Variants in PAK1IP1 observed in about 807,000 individuals in gnomAD.
The protein encoded by PAK1IP1 is p21-activated protein kinase-interacting protein 1.
PAK1IP1 carries 24 observed loss-of-function variants against 42.0 expected under a neutral mutation model. The ratio of observed to expected loss-of-function variants is 0.57; its 90% confidence interval spans 0.41 to 0.80. The LOEUF (loss-of-function observed/expected upper bound fraction) is 0.80. Ranked by LOEUF, PAK1IP1 falls within the 30% of genes least tolerant of loss-of-function variation. PAK1IP1 has a pLI of 0.00. For synonymous variants in PAK1IP1, 154 were observed against 156.7 expected (o/e 0.98, Z 0.13); for missense variants, 411 against 467.9 (o/e 0.88, Z 1.12).
At chr6:10,701,547 C>G (rs1251770112) in intron 2 of PAK1IP1, among the ~76,000 whole-genome samples, 1 of 152,122 alleles carries the variant, frequency 6.6e-6, no homozygotes, top group Non-Finnish European at 1.5e-5. Context: ...TGTGGGAAAC[C>G]AAACTTTCCA....
chr6:10,706,519 C>T (rs1268180817), intron 7 of PAK1IP1, among the ~76,000 whole-genome samples: 1 of 152,178 alleles, frequency 6.6e-6, no homozygotes, highest in Non-Finnish European at 1.5e-5. Context: ...CTTCCTCTCC[C>T]ATCTTATTTT....
Position 10,702,657 on chromosome 6 carries a change from A to T in PAK1IP1, c.443+18A>T. 1.3e-6 allele frequency: 2 copies of T among 1,526,044 alleles called. No homozygotes were observed. Among genetic ancestry groups the T allele is most frequent in the Non-Finnish European group, 1.8e-6 (2 of 1,099,740 alleles). The allele number at this position is 1,526,044 out of a possible 1,614,324, so 94.5% of individuals were successfully genotyped here. A position where few individuals can be genotyped will look rare whatever the true frequency, so the allele number is the denominator to read the frequency against. ...ACTTTAAGGTAAGTCATTAATGCTC[A>T]AGAGCATTTATCTAAGGTGTGTGTT... On this transcript the variant is annotated intron_variant, in intron 4 of 9. Coordinates refer to ENST00000379568, the MANE Select transcript of PAK1IP1 (RefSeq NM_017906.3).
Position 10,709,583 on chromosome 6 carries a change from C to A in PAK1IP1, c.*131C>A, listed in dbSNP as rs1581588726. 6 of 422,228 alleles carry A rather than the reference C, an allele frequency of 1.4e-5. No homozygotes were observed. The highest frequency in any genetic ancestry group is 6.8e-4 in the Middle Eastern group (1 of 1,470). 26.2% of individuals were successfully genotyped at this position (422,228 alleles called of 1,614,324 possible). Reference sequence around the variant, plus strand: ...GGAAAAAATATATATATTAAAAAACCACTTTTAGATGGTTTTTTTTAAAAA... The same window carrying A: ...GGAAAAAATATATATATTAAAAAACAACTTTTAGATGGTTTTTTTTAAAAA... On this transcript the variant is annotated 3_prime_UTR_variant, in exon 10 of 10. Transcript: ENST00000379568.
upstream of PAK1IP1, chr6:10,694,616 CG>C: frequency 5.0e-6 from 1 of 199,704 alleles, no homozygotes; most frequent in South Asian, 7.3e-5. Context: ...GGCCGGAAGT[CG>C]GCCCCACCTC....
At position 10,702,553 on chromosome 6, in the gene PAK1IP1, GT is replaced by G; in HGVS notation, c.369-9del. On this transcript the variant is annotated splice_polypyrimidine_tract_variant and intron_variant, in intron 3 of 9. Coordinates refer to ENST00000379568, the MANE Select transcript of PAK1IP1 (RefSeq NM_017906.3). ...CAGTCAAGTTGGGGACTAACTTTTG[GT>G]TTCATTATAGAGGACAGGTGACCTT... 6.2e-7 allele frequency: 1 copy of G among 1,613,980 alleles called. No individual in the cohort carries two copies. Among genetic ancestry groups the G allele is most frequent in the Non-Finnish European group, 8.5e-7 (1 of 1,179,950 alleles).
chr6:10,704,122 G>A (rs1199404773), intron 5 of PAK1IP1, among the ~76,000 whole-genome samples: 4 of 151,958 alleles, frequency 2.6e-5, no homozygotes, highest in South Asian at 2.1e-4. Context: ...TTCTGAGTTC[G>A]TTATTCTCCT....
chr6:10,703,769 C>T (rs967125729), intron 5 of PAK1IP1, among the ~76,000 whole-genome samples: 2 of 152,140 alleles, frequency 1.3e-5, no homozygotes, highest in Admixed American at 6.5e-5. Flanking sequence ...AATCCAAAAT[C>T]GTTCTGGTCC....
rs775304872 is a variant in PAK1IP1, at chr6:10,702,473, T to G, written c.352T>G (p.Ser118Ala). Residue 118 changes from serine (S) to alanine (A), a missense_variant, in exon 3 of 10, where the codon TCA becomes GCA. Transcript: ENST00000379568. Reference protein sequence around the residue: ...WDAKKWECLKSIKAHKGQVTF... With the variant: ...WDAKKWECLKAIKAHKGQVTF... The stretch of plus-strand genomic sequence containing the variant: ...TGCAAAGAAATGGGAATGCCTGAAG[T>G]CAATTAAAGCTCACAAGTGAGTCGG... 3 of 1,613,876 alleles carry G rather than the reference T, an allele frequency of 1.9e-6. No homozygotes were observed. The highest frequency in any genetic ancestry group is 2.7e-5 in the African/African-American group (2 of 74,866).
intron 7 of PAK1IP1, among the ~76,000 whole-genome samples, chr6:10,706,114 C>A (rs1287838494): frequency 6.6e-6 from 1 of 151,926 alleles, no homozygotes; most frequent in Non-Finnish European, 1.5e-5. Context: ...GCAAGCAGAT[C>A]ATTATAACAG....
chr6:10,702,309 C>G, intron 2 of PAK1IP1, 60 bp from the exon 3 acceptor site: 1 of 1,413,270 alleles, frequency 7.1e-7, no homozygotes, highest in Non-Finnish European at 1.0e-6. Flanking sequence ...GCCTTCAAAT[C>G]AGAAATGGAG....
At chr6:10,696,503 A>G (rs1458403232) in intron 1 of PAK1IP1, among the ~76,000 whole-genome samples, 1 of 152,144 alleles carries the variant, frequency 6.6e-6, no homozygotes, top group Non-Finnish European at 1.5e-5. Flanking sequence ...TTTTGCTGTC[A>G]TGCTTCGCAC....
At position 10,704,815 on chromosome 6, in the gene PAK1IP1, C is replaced by T. The variant is rs370199265; in HGVS notation, c.711C>T (p.Cys237=). Residue 237 remains cysteine, a synonymous_variant, in exon 7 of 10, where the codon TGC becomes TGT. Coordinates refer to ENST00000379568, the MANE Select transcript of PAK1IP1 (RefSeq NM_017906.3). ...IRFFDCDSLV[C]LCEFKAHENR... ...TTTTTGACTGTGATTCACTAGTGTG[C>T]CTCTGCGAATTTAAAGCTCATGAAA... 6.2e-7 allele frequency: 1 copy of T among 1,612,142 alleles called. No homozygotes were observed. Among genetic ancestry groups the T allele is most frequent in the African/African-American group, 1.3e-5 (1 of 74,846 alleles).
At position 10,697,352 on chromosome 6, in the gene PAK1IP1, AC is replaced by A; in HGVS notation, c.115del (p.His39MetfsTer10). ...EQWTLVADFTHHAHTASLSAV... is the reference protein window; with the variant it reads ...EQWTLVADFTXHAHTASLSAV... ...TGGACTCTTGTGGCTGACTTCACTC[AC>A]CATGCTCACACTGCCTCCTTGTCAG... is the stretch of plus-strand genomic sequence containing the variant. On this transcript the variant is annotated frameshift_variant, in exon 2 of 10. Transcript: ENST00000379568. LOFTEE classifies it high-confidence loss of function. 1.2e-6 allele frequency: 2 copies of A among 1,614,000 alleles called. No individual in the cohort carries two copies. The highest frequency in any genetic ancestry group is 1.7e-6 in the Non-Finnish European group (2 of 1,179,948).
chr6:10,692,371 A>G (rs1769397922), upstream of PAK1IP1, among the ~76,000 whole-genome samples: 1 of 152,234 alleles, frequency 6.6e-6, no homozygotes. Flanking sequence ...ATTACAAAAA[A>G]AGTAATCTAT....
intron 7 of PAK1IP1, 115 bp from the exon 8 acceptor site, chr6:10,707,300 C>T (rs867967372): frequency 2.9e-6 from 2 of 684,192 alleles, no homozygotes; most frequent in Non-Finnish European, 5.3e-6. Flanking sequence ...ATTCATTGAG[C>T]AGTTTGGAAA....
intron 7 of PAK1IP1, 74 bp from the exon 8 acceptor site, chr6:10,707,341 T>C: frequency 4.6e-6 from 4 of 861,956 alleles, no homozygotes; most frequent in Non-Finnish European, 7.9e-6. Flanking sequence ...CACTAGTCTT[T>C]GTGTGTAATT....
chr6:10,708,973 C>T lies in PAK1IP1; in HGVS notation c.861C>T (p.Leu287=). Residue 287 remains leucine (L), a synonymous_variant, in exon 9 of 10, where the codon CTC becomes CTT. Transcript: ENST00000379568. Reference sequence around the variant, plus strand: ...TTTAGAAAGTTCCCCCATCTTTACTCTGTGAAATAAACACTAATGCCAGGC... The same window carrying T: ...TTTAGAAAGTTCCCCCATCTTTACTTTGTGAAATAAACACTAATGCCAGGC... ...KQDKKVPPSL[L]CEINTNARLT... is the part of the protein sequence containing the mutation. The T allele has an allele frequency of 6.2e-7, 1 of 1,610,954 alleles. No individual in the cohort carries two copies. Among genetic ancestry groups the T allele is most frequent in the Non-Finnish European group, 8.5e-7 (1 of 1,177,724 alleles).
intron 1 of PAK1IP1, 57 bp from the exon 2 acceptor site, chr6:10,697,267 A>T (rs1764899726): frequency 7.1e-7 from 1 of 1,405,762 alleles, no homozygotes; most frequent in African/African-American, 1.4e-5. Flanking sequence ...ACCAGTGGAT[A>T]GAGTTGGTAG....
intron 2 of PAK1IP1, among the ~76,000 whole-genome samples, chr6:10,700,950 A>G (rs2127479738): frequency 6.6e-6 from 1 of 152,186 alleles, no homozygotes; most frequent in Non-Finnish European, 1.5e-5. Flanking sequence ...CCCAGCATCC[A>G]TTAGCTGTTC....
Sources: gnomAD v4.1 joint callset for allele counts (sites outside exome capture counted in the v4.1 genomes callset) on GRCh38, gnomAD v4.1.1 for gene constraint, MANE v1.5 for transcripts, NCBI Gene and HGNC (gene_info 2026-07-23, HGNC 2026-07-21) for gene names.